Variants in THSD7A observed in about 807,000 individuals in gnomAD.
The protein encoded by THSD7A is thrombospondin type 1 domain containing 7A, also known as thrombospondin type-1 domain-containing protein 7A.
Under a neutral mutation model 231.3 loss-of-function variants are expected in THSD7A, and 96 were observed. The observed-to-expected ratio is 0.41, with a 90% confidence interval of 0.35 to 0.49. THSD7A has a LOEUF of 0.49. Among genes scored for constraint, THSD7A ranks in the 20% least tolerant of loss-of-function variants. THSD7A has a pLI of 0.05. For missense variants in THSD7A, 2,290 were observed against 2,070.2 expected (o/e 1.11, Z -2.06); for synonymous variants, 940 against 743.3 (o/e 1.26, Z -4.30).
rs540284876 is a variant in THSD7A at position 11,580,934 on chromosome 7, C to G, written c.1453+9526G>C. ...AAAACATAAAAAATTATATCTTCAACATCTAAATCAGTGGTGTAACCTAAT... is the reference window on the plus strand; with the variant it reads ...AAAACATAAAAAATTATATCTTCAAGATCTAAATCAGTGGTGTAACCTAAT... On this transcript the variant is annotated intron_variant, in intron 4 of 27. Transcript: ENST00000423059. Among the ~76,000 whole-genome samples the G allele has an allele frequency of 1.6e-3, 247 of 152,178 alleles. 2 individuals carry two copies. Among genetic ancestry groups the G allele is most frequent in the Middle Eastern group, 0.01 (3 of 294 alleles).
At chr7:11,748,205 G>A (rs911614368) in intron 1 of THSD7A, among the ~76,000 whole-genome samples, 4 of 151,838 alleles carry the variant, frequency 2.6e-5, no homozygotes, top group Non-Finnish European at 4.4e-5. Flanking sequence ...TGGGTCATTT[G>A]GAAAATTGTT....
chr7:11,695,278 A>G (rs1780353640), intron 1 of THSD7A, among the ~76,000 whole-genome samples: 1 of 151,548 alleles, frequency 6.6e-6, no homozygotes, highest in South Asian at 2.1e-4. Flanking sequence ...TCGAGAGTCT[A>G]GAATGTATTA....
At chr7:11,659,079 A>G (rs1226154359) in intron 1 of THSD7A, among the ~76,000 whole-genome samples, 1 of 151,690 alleles carries the variant, frequency 6.6e-6, no homozygotes, top group Non-Finnish European at 1.5e-5. Context: ...TCCTATCTTT[A>G]ATTAATCTCC....
chr7:11,680,819 A>G (rs1003617979), intron 1 of THSD7A, among the ~76,000 whole-genome samples: 10 of 152,144 alleles, frequency 6.6e-5, no homozygotes, highest in African/African-American at 2.4e-4. Context: ...TAGAACCAGA[A>G]ATACCATTTG....
rs1402073970 is a variant in THSD7A, at chr7:11,593,257, G to A, written c.1268C>T (p.Ala423Val). 8.7e-6 allele frequency: 14 copies of A among 1,613,632 alleles called. No homozygotes were observed. The highest frequency in any genetic ancestry group is 2.2e-5 in the South Asian group (2 of 91,082). ...ATACCCTTCTTTATTTACTCACGTG[G>A]CACAGGGGACAACTCCATCTCCTTG... ...LSQGDGVVPC[A>V]TYGWRTTEWT... Residue 423 changes from alanine to valine, a missense_variant, in exon 3 of 28, where the codon GCC (alanine) becomes GTC (valine). By Grantham distance (64) the Ala-to-Val change is moderately conservative. Coordinates refer to ENST00000423059, the MANE Select transcript of THSD7A (RefSeq NM_015204.3).
intron 4 of THSD7A, among the ~76,000 whole-genome samples, chr7:11,585,802 G>A (rs2214586): frequency 0.022 from 3,334 of 152,086 alleles, 279 homozygotes; most frequent in East Asian, 0.18. Flanking sequence ...CAGGGACTCC[G>A]TAGACATGCC....
At chr7:11,462,891 A>T (rs781049896) in intron 9 of THSD7A, among the ~76,000 whole-genome samples, 30 of 152,206 alleles carry the variant, frequency 2.0e-4, no homozygotes, top group Non-Finnish European at 4.3e-4. Flanking sequence ...GGATTCAAAA[A>T]TCTTTTAGTA....
At chr7:11,820,451 T>C (rs545155291) in intron 1 of THSD7A, 5 of 1,305,902 alleles carry the variant, frequency 3.8e-6, no homozygotes, top group Admixed American at 2.9e-5. Context: ...TTCCAGAACA[T>C]GAACCGGCCC....
intron 23 of THSD7A, among the ~76,000 whole-genome samples, chr7:11,391,512 ATCTTAGCTTGCTGGGTTC>A (rs947998728): frequency 6.6e-6 from 1 of 152,146 alleles, no homozygotes; most frequent in African/African-American, 2.4e-5. Context: ...AAGCCAGTGG[ATCTTAGCTTGCTGGGTTC>A]TGTGAGTGTG....
intron 7 of THSD7A, among the ~76,000 whole-genome samples, chr7:11,479,782 T>C (rs1786345457): frequency 6.6e-6 from 1 of 152,196 alleles, no homozygotes; most frequent in Non-Finnish European, 1.5e-5. Context: ...AAATTTCACA[T>C]AATTATACCA....
intron 2 of THSD7A, among the ~76,000 whole-genome samples, chr7:11,621,793 C>T (rs1339236147): frequency 6.6e-6 from 1 of 152,032 alleles, no homozygotes; most frequent in African/African-American, 2.4e-5. Context: ...ACCAGTGATG[C>T]AGTAATTTTT....
intron 24 of THSD7A, among the ~76,000 whole-genome samples, chr7:11,380,422 T>C (rs531873957): frequency 6.6e-6 from 1 of 152,328 alleles, no homozygotes; most frequent in East Asian, 1.9e-4. Context: ...CAAACTATAC[T>C]TGTTCAGTTT....
chr7:11,476,923 T>C (rs115092900), intron 7 of THSD7A, among the ~76,000 whole-genome samples: 2,910 of 152,220 alleles, frequency 0.019, 103 homozygotes, highest in African/African-American at 0.066. Context: ...AAAAGTATGA[T>C]ATAAATACTT....
chr7:11,688,295 A>G (rs971451800), intron 1 of THSD7A, among the ~76,000 whole-genome samples: 1 of 151,868 alleles, frequency 6.6e-6, no homozygotes, highest in Non-Finnish European at 1.5e-5. Flanking sequence ...CATTCTAAAC[A>G]GTACTAATGC....
At chr7:11,805,680 A>G (rs185733675) in intron 1 of THSD7A, among the ~76,000 whole-genome samples, 46 of 152,226 alleles carry the variant, frequency 3.0e-4, no homozygotes, top group Admixed American at 8.5e-4. Flanking sequence ...TTTAATGTAA[A>G]AGAAATACGT....
chr7:11,595,585 G>A (rs972993267), intron 2 of THSD7A, among the ~76,000 whole-genome samples: 1 of 152,220 alleles, frequency 6.6e-6, no homozygotes, highest in African/African-American at 2.4e-5. Flanking sequence ...GGCTTAGGGA[G>A]ATTGGGATGG....
chr7:11,709,142 G>T (rs1376358646), intron 1 of THSD7A, among the ~76,000 whole-genome samples: 2 of 150,564 alleles, frequency 1.3e-5, no homozygotes, highest in African/African-American at 4.9e-5. Context: ...CAAGGCTATC[G>T]AGTTTCTTAA....
At chr7:11,468,620 G>C (rs151292769) in intron 9 of THSD7A, among the ~76,000 whole-genome samples, 1 of 152,082 alleles carries the variant, frequency 6.6e-6, no homozygotes, top group East Asian at 1.9e-4. Context: ...GATCACTTGA[G>C]GCCAGGAGTT....
chr7:11,422,970 G>A (rs1315002799), intron 16 of THSD7A, among the ~76,000 whole-genome samples: 1 of 151,942 alleles, frequency 6.6e-6, no homozygotes, highest in African/African-American at 2.4e-5. Context: ...TTTTACTAAT[G>A]AAACAACCAA....
Sources: gnomAD v4.1 joint callset for allele counts (sites outside exome capture counted in the v4.1 genomes callset) on GRCh38, gnomAD v4.1.1 for gene constraint, MANE v1.5 for transcripts, NCBI Gene and HGNC (gene_info 2026-07-23, HGNC 2026-07-21) for gene names.